The following COXFA4L2 variants were observed in gnomAD, a reference collection of about 807,000 sequenced individuals.
COXFA4L2 encodes cytochrome c oxidase hypoxia associated subunit FA4L2, also known as NADH dehydrogenase (ubiquinone) 1 alpha subcomplex, 4-like 2.
chr12:57,235,393 G>A, the COXFA4L2 span: 4 of 728,812 alleles, frequency 5.5e-6, no homozygotes, highest in East Asian at 5.0e-5. Flanking sequence ...CTGGGAGCAA[G>A]GGAGGAGAGT....
chr12:57,235,591 T>C, the COXFA4L2 span: 4 of 1,614,114 alleles, frequency 2.5e-6, no homozygotes, highest in Non-Finnish European at 3.4e-6. Flanking sequence ...CTTCTTCAGC[T>C]TCTTATAGTC....
At chr12:57,235,232 A>G in the COXFA4L2 span, 5 of 387,786 alleles carry the variant, frequency 1.3e-5, no homozygotes, top group South Asian at 2.0e-4. Context: ...CACGTAGGCC[A>G]CGCTCAACAC....
chr12:57,234,964 AGAGGGGAGCAAGG>A, the COXFA4L2 span: 3 of 156,574 alleles, frequency 1.9e-5, no homozygotes, highest in African/African-American at 7.2e-5. Context: ...CCCTGGGGAC[AGAGGGGAGCAAGG>A]GAGGGGAGTG....
the COXFA4L2 span, among the ~76,000 whole-genome samples, chr12:57,239,283 G>T: frequency 1.3e-5 from 2 of 152,218 alleles, no homozygotes; most frequent in Non-Finnish European, 2.9e-5. This position sits in a 1 kb window ranked among gnomAD's most constrained non-coding sequence, Gnocchi z 5.5. Context: ...CCCCTGTCGG[G>T]CAGTGTCGAC....
the COXFA4L2 span, chr12:57,236,640 G>T: frequency 3.8e-6 from 6 of 1,582,272 alleles, no homozygotes; most frequent in Non-Finnish European, 5.1e-6. Context: ...AAAGCGCAGC[G>T]CTGCCCATGC....
the COXFA4L2 span, chr12:57,236,375 C>G: frequency 2.0e-6 from 1 of 496,704 alleles, no homozygotes; most frequent in Non-Finnish European, 3.5e-6. Flanking sequence ...GGCGCGGGTT[C>G]CGCATTTCAG....
At chr12:57,236,469 G>T in the COXFA4L2 span, 1 of 795,014 alleles carries the variant, frequency 1.3e-6, no homozygotes, top group Non-Finnish European at 1.9e-6. Flanking sequence ...CTCCAGCCCT[G>T]AGATGCCGGT....
chr12:57,235,380 C>T, the COXFA4L2 span: 1 of 679,772 alleles, frequency 1.5e-6, no homozygotes, highest in Non-Finnish European at 2.6e-6. Context: ...GGCGCTTCCG[C>T]TGCTGGGAGC....
chr12:57,235,824 G>C, the COXFA4L2 span: 18 of 1,527,846 alleles, frequency 1.2e-5, no homozygotes, highest in African/African-American at 2.8e-5. Context: ...GGAGCAGGAG[G>C]GGGGAGGGTT....
the COXFA4L2 span, among the ~76,000 whole-genome samples, chr12:57,239,153 G>T: frequency 1.3e-5 from 2 of 152,262 alleles, no homozygotes; most frequent in African/African-American, 4.8e-5. This position sits in a 1 kb window ranked among gnomAD's most constrained non-coding sequence, Gnocchi z 5.5. Flanking sequence ...CCGCGCGCTG[G>T]CTGCACAGAG....
At chr12:57,235,372 C>T in the COXFA4L2 span, 33 of 648,454 alleles carry the variant, frequency 5.1e-5, no homozygotes, top group South Asian at 9.1e-5. Flanking sequence ...GGGTCAGAGG[C>T]GCTTCCGCTG....
At chr12:57,235,998 A>G in the COXFA4L2 span, among the ~76,000 whole-genome samples, 316 of 152,286 alleles carry the variant, frequency 2.1e-3, 1 homozygote, top group African/African-American at 7.3e-3. Context: ...GACAAGTGAG[A>G]CAAGAAGCCT....
the COXFA4L2 span, chr12:57,235,482 C>G: frequency 1.2e-5 from 18 of 1,486,654 alleles, no homozygotes; most frequent in Non-Finnish European, 1.6e-5. Flanking sequence ...GGAGTGATGC[C>G]TTGGGGCCTG....
chr12:57,236,771 C>T, the COXFA4L2 span: 4 of 1,234,114 alleles, frequency 3.2e-6, no homozygotes, highest in East Asian at 2.6e-5. Context: ...CACCCCAACC[C>T]CACCCCGGGT....
At chr12:57,240,283 C>G in the COXFA4L2 span, 1 of 152,116 alleles carries the variant, frequency 6.6e-6, no homozygotes, top group African/African-American at 2.4e-5. Context: ...CGCCGGGGAC[C>G]CCGGCGTCCC....
chr12:57,235,069 C>A, the COXFA4L2 span: 1 of 163,026 alleles, frequency 6.1e-6, no homozygotes, highest in Non-Finnish European at 1.3e-5. Context: ...GAGGAGTGCG[C>A]TGCGCCTCAG....
At chr12:57,239,812 T>G in the COXFA4L2 span, 68 of 152,800 alleles carry the variant, frequency 4.5e-4, no homozygotes, top group Non-Finnish European at 9.1e-4. The surrounding 1 kb of genome is among the most constrained non-coding windows in gnomAD (Gnocchi z 5.5). Context: ...CCTCCACATC[T>G]CTCCATCTCA....
chr12:57,239,870 T>G, the COXFA4L2 span: 1 of 152,666 alleles, frequency 6.6e-6, no homozygotes. This position sits in a 1 kb window ranked among gnomAD's most constrained non-coding sequence, Gnocchi z 5.5. Flanking sequence ...TCTTTATCTC[T>G]GTCTCTCCCC....
the COXFA4L2 span, chr12:57,239,547 G>C: frequency 1.3e-5 from 2 of 152,376 alleles, no homozygotes; most frequent in Non-Finnish European, 2.9e-5. This position sits in a 1 kb window ranked among gnomAD's most constrained non-coding sequence, Gnocchi z 5.5. Flanking sequence ...GGGGAGGCGG[G>C]GGCTTCATCT....
Sources: gnomAD v4.1 joint callset for allele counts (sites outside exome capture counted in the v4.1 genomes callset) on GRCh38, gnomAD v4.1.1 for gene constraint, Gnocchi (gnomAD v3.1) non-coding constraint, MANE v1.5 for transcripts, NCBI Gene and HGNC (gene_info 2026-07-23, HGNC 2026-07-21) for gene names.